The following PCDH11X variants were observed in gnomAD, a reference collection of about 807,000 sequenced individuals.
PCDH11X encodes protocadherin-11 X-linked.
Under a neutral mutation model 53.3 loss-of-function variants are expected in PCDH11X, and 18 were observed. The ratio of observed to expected loss-of-function variants is 0.34; its 90% CI spans 0.23 to 0.50. The LOEUF is 0.50. Ranked by LOEUF, PCDH11X falls within the 20% of genes least tolerant of loss-of-function variation. The pLI is 0.98. For synonymous variants in PCDH11X, 279 were observed against 393.3 expected (o/e 0.71, Z 3.44); for missense variants, 570 against 1,032.4 (o/e 0.55, Z 6.14).
chrX:92,570,523 C>T (rs1427419375), intron 10 of PCDH11X, among the ~76,000 whole-genome samples: 4 of 106,923 alleles, frequency 3.7e-5, no homozygotes, highest in Non-Finnish European at 5.8e-5. Context: ...TAACTCTTCA[C>T]TGTATGCAAA....
chrX:92,578,792 T>A (rs1923282798), intron 10 of PCDH11X, among the ~76,000 whole-genome samples: 1 of 104,892 alleles, frequency 9.5e-6, no homozygotes, highest in South Asian at 4.5e-4. Flanking sequence ...GTCATCATGA[T>A]GCTAGCTAGT....
intron 4 of PCDH11X, among the ~76,000 whole-genome samples, chrX:91,819,082 C>G (rs1936546033): frequency 9.0e-6 from 1 of 111,409 alleles, no homozygotes; most frequent in African/African-American, 3.3e-5. Context: ...GGTTAATGCA[C>G]TTCTTGATTT....
chrX:92,139,924 A>G (rs2065150889), intron 6 of PCDH11X, among the ~76,000 whole-genome samples: 1 of 110,003 alleles, frequency 9.1e-6, no homozygotes, highest in African/African-American at 3.3e-5. Flanking sequence ...GCACATTTAT[A>G]GAATCACTTC....
At chrX:91,780,311 C>G (rs1264492955) in intron 1 of PCDH11X, among the ~76,000 whole-genome samples, 1 of 111,930 alleles carries the variant, frequency 8.9e-6, no homozygotes, top group Non-Finnish European at 1.9e-5. Flanking sequence ...CTCGCCTCCC[C>G]GCCCTTCCTT....
In PCDH11X at chrX:92,618,466, A is replaced by G; in HGVS notation, c.3570A>G (p.Thr1190=). The G allele has an allele frequency of 8.3e-7, 1 of 1,211,661 alleles. No homozygotes were observed. Among genetic ancestry groups the G allele is most frequent in the Non-Finnish European group, 1.1e-6 (1 of 895,416 alleles). Residue 1190 remains threonine, a synonymous_variant, in exon 11 of 11, where the codon ACA becomes ACG. Transcript: ENST00000682573. ...ASTQHHSPRV[T]QTIALCHSPP... ...CTCAGCACCACAGCCCACGAGTGAC[A>G]CAGACCATTGCTCTCTGCCACAGCC...
rs1937618610 is a variant in PCDH11X at position 91,845,548 on chromosome X, T to C, written c.540+9504T>C. ...GTAATGGTATAGGAATGCACCTTTTTAACTAGAAGTACTCATGGGCCTGGA... is the reference window on the plus strand; with the variant it reads ...GTAATGGTATAGGAATGCACCTTTTCAACTAGAAGTACTCATGGGCCTGGA... On this transcript the variant is annotated intron_variant, in intron 5 of 10. Coordinates refer to ENST00000682573, the MANE Select transcript of PCDH11X (RefSeq NM_032968.5). Among the ~76,000 whole-genome samples the C allele has an allele frequency of 2.7e-5, 3 of 110,480 alleles. No homozygotes were observed. In the East Asian group the frequency reaches 8.5e-4, roughly 31 times the overall value.
intron 10 of PCDH11X, among the ~76,000 whole-genome samples, chrX:92,574,879 T>C (rs1922641150): frequency 9.0e-6 from 1 of 110,929 alleles, no homozygotes; most frequent in South Asian, 3.7e-4. Context: ...GGTAGTTTTT[T>C]TCACTTAACC....
At chrX:92,161,447 G>C (rs2065641204) in intron 6 of PCDH11X, among the ~76,000 whole-genome samples, 1 of 111,037 alleles carries the variant, frequency 9.0e-6, no homozygotes, top group African/African-American at 3.3e-5. Context: ...CAGCTCTTAA[G>C]ATTCTTTCCT....
At chrX:92,333,210 A>G in intron 8 of PCDH11X, among the ~76,000 whole-genome samples, 1 of 110,023 alleles carries the variant, frequency 9.1e-6, no homozygotes, top group Non-Finnish European at 1.9e-5. Flanking sequence ...GCATGATGAT[A>G]TTGACACCTG....
chrX:92,121,556 G>T (rs1373486280), intron 6 of PCDH11X, among the ~76,000 whole-genome samples: 1 of 111,243 alleles, frequency 9.0e-6, no homozygotes, highest in African/African-American at 3.3e-5. Flanking sequence ...AGGGTGTCTT[G>T]TGCCATCAGT....
intron 4 of PCDH11X, among the ~76,000 whole-genome samples, chrX:91,821,571 G>T (rs1161183239): frequency 1.0e-4 from 11 of 107,894 alleles, no homozygotes; most frequent in South Asian, 4.0e-4. Context: ...AGGAGATTTT[G>T]GGCTGAGACA....
At chrX:92,004,965 C>T (rs1207210193) in intron 6 of PCDH11X, among the ~76,000 whole-genome samples, 6 of 109,043 alleles carry the variant, frequency 5.5e-5, no homozygotes, top group Admixed American at 9.8e-5. Flanking sequence ...TTAGTAGAGA[C>T]GGGTTTCACC....
At chrX:92,259,565 G>A (rs748968910) in intron 7 of PCDH11X, among the ~76,000 whole-genome samples, 5 of 111,614 alleles carry the variant, frequency 4.5e-5, no homozygotes, top group African/African-American at 1.6e-4. Flanking sequence ...TCACAAGAAC[G>A]CCATTTCCAT....
At chrX:92,122,140 G>A (rs781245359) in intron 6 of PCDH11X, among the ~76,000 whole-genome samples, 1 of 109,013 alleles carries the variant, frequency 9.2e-6, no homozygotes, top group African/African-American at 3.3e-5. Flanking sequence ...CTGCCACCAC[G>A]CCCGGCTAAT....
chrX:91,894,457 T>A (rs773505586), intron 6 of PCDH11X, among the ~76,000 whole-genome samples: 2 of 111,714 alleles, frequency 1.8e-5, no homozygotes, highest in South Asian at 7.4e-4. Flanking sequence ...TATGTTTGTG[T>A]GGTGTTTTAG....
chrX:92,021,530 C>A lies in PCDH11X; in HGVS notation c.3033+142257C>A, dbSNP rs368162840. ...GAAATACGGGGCAATGTAAAAACACCAAACCTACGATTGATTGGAGTACCT... is the reference window on the plus strand; with the variant it reads ...GAAATACGGGGCAATGTAAAAACACAAAACCTACGATTGATTGGAGTACCT... On this transcript the variant is annotated intron_variant, in intron 6 of 10. Transcript: ENST00000682573. Among the ~76,000 whole-genome samples, 40 of 108,397 alleles carry A rather than the reference C, an allele frequency of 3.7e-4. 1 individual carries two copies. In the East Asian group the frequency reaches 8.6e-3, roughly 23 times the overall value. 94.1% of individuals were successfully genotyped at this position (108,397 alleles called of 115,157 possible). A position where few individuals can be genotyped will look rare whatever the true frequency, so the allele number is the denominator to read the frequency against.
chrX:92,233,781 A>G (rs900727207), intron 7 of PCDH11X, among the ~76,000 whole-genome samples: 2 of 112,469 alleles, frequency 1.8e-5, no homozygotes, highest in African/African-American at 6.5e-5. Context: ...AATAAAGGCC[A>G]CAGTGTGTTA....
chrX:92,424,260 C>G (rs1236045414), intron 9 of PCDH11X, among the ~76,000 whole-genome samples: 1 of 91,952 alleles, frequency 1.1e-5, no homozygotes, highest in African/African-American at 3.5e-5. Flanking sequence ...ATAGTATAGC[C>G]TCTGGGTTCT....
chrX:92,274,056 C>T (rs937643699), intron 8 of PCDH11X, among the ~76,000 whole-genome samples: 1 of 106,720 alleles, frequency 9.4e-6, no homozygotes, highest in African/African-American at 3.5e-5. Context: ...TATGACTAGA[C>T]AGAAGATAGT....
Sources: allele counts gnomAD v4.1 joint callset (sites outside exome capture counted in the v4.1 genomes callset), GRCh38; gene constraint gnomAD v4.1.1; transcripts MANE v1.5; gene names NCBI Gene and HGNC (gene_info 2026-07-23, HGNC 2026-07-21).